The following PYGL variants were observed in gnomAD, a reference collection of about 807,000 sequenced individuals.
The protein encoded by PYGL is glycogen phosphorylase, liver form.
PYGL carries 90 observed loss-of-function variants against 100.1 expected under a neutral mutation model. The ratio of observed to expected loss-of-function variants is 0.90; its 90% CI spans 0.76 to 1.07. The LOEUF (loss-of-function observed/expected upper bound fraction) is 1.07. Ranked by LOEUF, PYGL falls within the 50% of genes least tolerant of loss-of-function variation. The pLI is 0.00. For synonymous variants in PYGL, 373 were observed against 393.0 expected (o/e 0.95, Z 0.60); for missense variants, 1,016 against 1,057.6 (o/e 0.96, Z 0.55).
rs776101957 is a variant in PYGL at position 50,920,985 on chromosome 14, C to T, written c.743G>A (p.Arg248Gln). 108 of 1,613,984 alleles carry T rather than the reference C, an allele frequency of 6.7e-5. No homozygotes were observed. The Admixed American group carries it at 1.1e-3, about 16-fold the overall frequency. ...TCTGAGGTTAAAGTCATTTGGTGCCCGAGCAGACCAGAGGCGCATGGTGTT... is the reference window on the plus strand; with the variant it reads ...TCTGAGGTTAAAGTCATTTGGTGCCTGAGCAGACCAGAGGCGCATGGTGTT... ...TVNTMRLWSA[R>Q]APNDFNLRDF... The change falls in exon 6 of 20, where the codon CGG becomes CAG. Residue 248 changes from arginine (R) to glutamine (Q), a missense_variant. Arg to Gln is a conservative substitution (Grantham distance 43). Transcript: ENST00000216392.
intron 4 of PYGL, among the ~76,000 whole-genome samples, chr14:50,931,351 A>C (rs917626147): frequency 1.3e-5 from 2 of 152,170 alleles, no homozygotes; most frequent in Non-Finnish European, 2.9e-5. Flanking sequence ...CTCCATTATG[A>C]CTGCTGCAGA....
rs2050717405 is a variant in PYGL, at chr14:50,943,381, C to G, written c.243+780G>C. On this transcript the variant is annotated intron_variant, in intron 1 of 19. Coordinates refer to ENST00000216392, the MANE Select transcript of PYGL (RefSeq NM_002863.5). ...AGGTCCAAAATCACCCTAAGGAGGT[C>G]TCTGCTCCCGCCCCCACGCCGTGGA... Among the ~76,000 whole-genome samples the G allele has an allele frequency of 2.6e-5, 4 of 152,228 alleles. No individual in the cohort carries two copies. The South Asian group carries it at 8.3e-4, about 32-fold the overall frequency.
intron 4 of PYGL, among the ~76,000 whole-genome samples, chr14:50,927,306 C>T (rs1039402564): frequency 2.0e-5 from 3 of 152,182 alleles, no homozygotes; most frequent in Admixed American, 2.0e-4. Context: ...CTCACTGCAA[C>T]ATATGCCTCC....
At chr14:50,914,573 T>C in intron 12 of PYGL, 128 bp downstream of exon 12, 1 of 714,940 alleles carries the variant, frequency 1.4e-6, no homozygotes, top group Non-Finnish European at 2.5e-6. Flanking sequence ...TGGAGTCCTG[T>C]GTGACTGCAC....
chr14:50,910,675 T>C (rs1490303755), intron 16 of PYGL, among the ~76,000 whole-genome samples: 1 of 152,174 alleles, frequency 6.6e-6, no homozygotes, highest in African/African-American at 2.4e-5. Flanking sequence ...CAGGCTGAAC[T>C]TCTCTCTCTT....
At chr14:50,915,567 C>T (rs2050439298) in intron 10 of PYGL, 68 bp from the exon 11 acceptor site, 2 of 1,589,932 alleles carry the variant, frequency 1.3e-6, no homozygotes, top group Non-Finnish European at 1.7e-6. Flanking sequence ...TAACGCTGTT[C>T]ATGTCTTAAG....
At position 50,915,391 on chromosome 14, in the gene PYGL, A is replaced by C; in HGVS notation, c.1348T>G (p.Ser450Ala). ...TTAGCCACGCCATTCACAGCATGGG[A>C]ACCGACAATGCAGAGATGGGCCATG... Reference protein sequence around the residue: ...INMAHLCIVGSHAVNGVAKIH... With the variant: ...INMAHLCIVGAHAVNGVAKIH... Residue 450 changes from serine to alanine, a missense_variant, in exon 11 of 20, where the codon TCC becomes GCC. By Grantham distance (99) the Ser-to-Ala change is moderately conservative. Coordinates refer to ENST00000216392, the MANE Select transcript of PYGL (RefSeq NM_002863.5). The C allele has an allele frequency of 6.2e-7, 1 of 1,614,158 alleles. No homozygotes were observed. Among genetic ancestry groups the C allele is most frequent in the South Asian group, 1.1e-5 (1 of 91,080 alleles).
At chr14:50,941,656 G>GGCCT (rs2050703001) in intron 1 of PYGL, among the ~76,000 whole-genome samples, 2 of 152,156 alleles carry the variant, frequency 1.3e-5, no homozygotes, top group Admixed American at 6.5e-5. Context: ...CGAGGTGGGT[G>GGCCT]GATCACCAGG....
chr14:50,913,906 T>C (rs1047431319), intron 12 of PYGL, among the ~76,000 whole-genome samples: 1 of 152,082 alleles, frequency 6.6e-6, no homozygotes, highest in Non-Finnish European at 1.5e-5. Context: ...GGGTCTCATG[T>C]TGCCCAGGCT....
chr14:50,937,080 T>C (rs1275998269), intron 2 of PYGL, among the ~76,000 whole-genome samples: 1 of 152,198 alleles, frequency 6.6e-6, no homozygotes, highest in African/African-American at 2.4e-5. Flanking sequence ...TTGAACAGTC[T>C]CTCATTTAGA....
intron 3 of PYGL, 101 bp from the exon 4 acceptor site, chr14:50,931,877 T>G: frequency 2.2e-6 from 2 of 892,696 alleles, no homozygotes; most frequent in South Asian, 2.6e-5. Context: ...CATTGTTATA[T>G]GAAGAACCAC....
intron 19 of PYGL, among the ~76,000 whole-genome samples, chr14:50,906,483 T>C (rs1050126438): frequency 5.3e-5 from 8 of 152,250 alleles, no homozygotes; most frequent in Non-Finnish European, 7.3e-5. Context: ...TCATGTTTAC[T>C]AAGTCTCAAC....
At chr14:50,916,837 G>A (rs189687332) in intron 8 of PYGL, 103 bp from the exon 9 acceptor site, 392 of 1,544,070 alleles carry the variant, frequency 2.5e-4, no homozygotes, top group Admixed American at 1.8e-3. Context: ...CACCTTCTAT[G>A]AAAGACTTGA....
chr14:50,913,715 G>T (rs1265576509), intron 12 of PYGL, among the ~76,000 whole-genome samples: 3 of 151,636 alleles, frequency 2.0e-5, no homozygotes, highest in Non-Finnish European at 4.4e-5. Flanking sequence ...TTGGCGACAG[G>T]ATCTCACCCT....
At chr14:50,907,258 T>C (rs2050345057) in intron 19 of PYGL, among the ~76,000 whole-genome samples, 1 of 152,126 alleles carries the variant, frequency 6.6e-6, no homozygotes, top group Admixed American at 6.6e-5. Context: ...AAAATTCAAT[T>C]ATGAACACCT....
At chr14:50,938,497 C>A (rs2050675747) in intron 1 of PYGL, among the ~76,000 whole-genome samples, 1 of 152,234 alleles carries the variant, frequency 6.6e-6, no homozygotes, top group South Asian at 2.1e-4. Context: ...GAGGCGCGAG[C>A]CACTGCGCCC....
chr14:50,944,117 C>T (rs1175164802), intron 1 of PYGL, 44 bp downstream of exon 1: 1 of 1,566,324 alleles, frequency 6.4e-7, no homozygotes, highest in Non-Finnish European at 8.6e-7. Context: ...CCGGAGACTC[C>T]GACTCCGGGC....
At chr14:50,942,781 G>A (rs1566517003) in intron 1 of PYGL, among the ~76,000 whole-genome samples, 1 of 95,968 alleles carries the variant, frequency 1.0e-5, no homozygotes, top group Non-Finnish European at 2.5e-5. Flanking sequence ...AGATGGCGCC[G>A]CTGCACTTCA....
At chr14:50,913,617 G>T (rs2050419971) in intron 12 of PYGL, among the ~76,000 whole-genome samples, 1 of 151,994 alleles carries the variant, frequency 6.6e-6, no homozygotes, top group African/African-American at 2.4e-5. Context: ...CTTGTGATCT[G>T]CCCTCCTCGG....
Sources: gnomAD v4.1 joint callset for allele counts (sites outside exome capture counted in the v4.1 genomes callset) on GRCh38, gnomAD v4.1.1 for gene constraint, MANE v1.5 for transcripts, NCBI Gene and HGNC (gene_info 2026-07-23, HGNC 2026-07-21) for gene names.